Variants in BABAM2 observed in about 807,000 individuals in gnomAD.
BABAM2 encodes BRISC and BRCA1 A complex member 2, also known as BRISC and BRCA1-A complex member 2.
BABAM2 carries 31 observed loss-of-function variants against 54.7 expected under a neutral mutation model. The ratio of observed to expected loss-of-function variants is 0.57; its 90% CI spans 0.43 to 0.77. BABAM2 has a LOEUF of 0.77. Ranked by LOEUF, BABAM2 falls within the 30% of genes least tolerant of loss-of-function variation. The probability of loss-of-function intolerance (pLI) is 0.00; values close to 1 mark genes in which losing one functional copy is unlikely to be tolerated. For synonymous variants in BABAM2, 167 were observed against 162.9 expected (o/e 1.03, Z -0.19); for missense variants, 364 against 455.8 (o/e 0.80, Z 1.83).
chr2:28,095,394 G>T (rs1413518942), intron 6 of BABAM2, among the ~76,000 whole-genome samples: 2 of 152,188 alleles, frequency 1.3e-5, no homozygotes, highest in African/African-American at 2.4e-5. Flanking sequence ...AGTTCTCTGA[G>T]TGAGGGCAGG....
At chr2:28,132,568 C>T (rs768364464) in intron 7 of BABAM2, among the ~76,000 whole-genome samples, 1 of 152,192 alleles carries the variant, frequency 6.6e-6, no homozygotes, top group Non-Finnish European at 1.5e-5. Flanking sequence ...TGCCAGCACT[C>T]TCTTGCCTCT....
At chr2:28,282,621 C>T (rs528028104) in intron 10 of BABAM2, among the ~76,000 whole-genome samples, 27 of 152,140 alleles carry the variant, frequency 1.8e-4, no homozygotes, top group Admixed American at 3.9e-4. Context: ...TAGAAAGGGG[C>T]GAGGGGGAAT....
intron 2 of BABAM2, among the ~76,000 whole-genome samples, chr2:27,895,251 G>T (rs1482535493): frequency 3.9e-5 from 6 of 152,026 alleles, no homozygotes; most frequent in Non-Finnish European, 4.4e-5. Flanking sequence ...TGTTCTACAG[G>T]TCTTATTTGA....
intron 10 of BABAM2, among the ~76,000 whole-genome samples, chr2:28,281,725 T>A (rs1407407427): frequency 6.6e-6 from 1 of 152,238 alleles, no homozygotes; most frequent in East Asian, 1.9e-4. Context: ...AGGCTTGAAT[T>A]CAAGGCCAGC....
chr2:28,117,013 C>T (rs1668670908), intron 6 of BABAM2, among the ~76,000 whole-genome samples: 1 of 152,178 alleles, frequency 6.6e-6, no homozygotes, highest in Non-Finnish European at 1.5e-5. Flanking sequence ...ATTGGCACCT[C>T]TGATACCTTT....
At chr2:28,317,171 A>C (rs957845235) in intron 11 of BABAM2, among the ~76,000 whole-genome samples, 1 of 152,198 alleles carries the variant, frequency 6.6e-6, no homozygotes, top group South Asian at 2.1e-4. Context: ...CAGCCGGCTC[A>C]TGGCCGTCCC....
At chr2:28,073,457 CA>C (rs1664359726) in intron 6 of BABAM2, among the ~76,000 whole-genome samples, 1 of 152,126 alleles carries the variant, frequency 6.6e-6, no homozygotes, top group African/African-American at 2.4e-5. Context: ...ATGATCTTGC[CA>C]GTGCACTCCA....
chr2:28,167,252 A>G (rs1424557002), intron 7 of BABAM2, among the ~76,000 whole-genome samples: 5 of 152,228 alleles, frequency 3.3e-5, no homozygotes, highest in Admixed American at 6.5e-5. Flanking sequence ...TTTGTCTTCA[A>G]GAAGGGACTT....
At chr2:28,026,813 A>ATAAATAT (rs1675727431) in intron 5 of BABAM2, among the ~76,000 whole-genome samples, 1 of 94,716 alleles carries the variant, frequency 1.1e-5, no homozygotes, top group African/African-American at 4.7e-5. Flanking sequence ...AAAATATATA[A>ATAAATAT]ATATATATTT....
At chr2:28,132,553 T>A (rs1392408699) in intron 7 of BABAM2, among the ~76,000 whole-genome samples, 2 of 152,206 alleles carry the variant, frequency 1.3e-5, no homozygotes, top group Non-Finnish European at 1.5e-5. Context: ...GAAGTTTTCT[T>A]ACATTGCCAG....
Position 28,303,501 on chromosome 2 carries a change from G to A in BABAM2, c.1088+5010G>A, listed in dbSNP as rs567355238. On this transcript the variant is annotated intron_variant, in intron 11 of 11. Transcript: ENST00000379624. ...AAAAGTCAATTAACCACATGTGAGT[G>A]GATCTATTTCTGGATACTCTATTCT... Among the ~76,000 whole-genome samples, 9 of 152,162 alleles carry A rather than the reference G, an allele frequency of 5.9e-5. No homozygotes were observed. In the South Asian group the frequency reaches 1.9e-3, roughly 32 times the overall value.
intron 10 of BABAM2, among the ~76,000 whole-genome samples, chr2:28,295,359 A>C (rs1368304056): frequency 6.6e-6 from 1 of 152,202 alleles, no homozygotes; most frequent in African/African-American, 2.4e-5. Context: ...CTACTGTTTA[A>C]AATTGTTGCT....
chr2:27,894,613 T>C lies in BABAM2; in HGVS notation c.57T>C (p.Ser19=), dbSNP rs1315740874. The part of the protein sequence containing the change: ...RISPMLSPFI[S]SVVRNGKVGL... The stretch of plus-strand genomic sequence containing the variant: ...CTCCAATGCTCTCCCCTTTCATATC[T>C]AGCGTGGTCCGGAATGGAAAAGTGG... Residue 19 remains serine (S), a synonymous_variant, in exon 2 of 12, where the codon TCT becomes TCC. Transcript: ENST00000379624. 3.7e-6 allele frequency: 6 copies of C among 1,613,958 alleles called. No homozygotes were observed. The highest frequency in any genetic ancestry group is 5.1e-6 in the Non-Finnish European group (6 of 1,179,916).
chr2:27,944,942 T>C (rs948317743), intron 3 of BABAM2, among the ~76,000 whole-genome samples: 2 of 152,110 alleles, frequency 1.3e-5, no homozygotes, highest in African/African-American at 4.8e-5. Context: ...TGTTGATCCA[T>C]TTTGAGCTAC....
At chr2:28,104,251 A>G (rs1242366180) in intron 6 of BABAM2, among the ~76,000 whole-genome samples, 2 of 152,236 alleles carry the variant, frequency 1.3e-5, no homozygotes, top group African/African-American at 4.8e-5. Flanking sequence ...CAGAGTGAAC[A>G]GGCAACCTAC....
intron 6 of BABAM2, among the ~76,000 whole-genome samples, chr2:28,097,803 G>A (rs1666751810): frequency 6.6e-6 from 1 of 152,144 alleles, no homozygotes; most frequent in South Asian, 2.1e-4. Flanking sequence ...TATGGTGTGA[G>A]CTTAAGGCTC....
At chr2:27,967,830 C>T (rs1670935833) in intron 3 of BABAM2, among the ~76,000 whole-genome samples, 2 of 152,142 alleles carry the variant, frequency 1.3e-5, no homozygotes, top group Non-Finnish European at 2.9e-5. Context: ...GGCATTTTGC[C>T]CCTGCCCTTG....
intron 6 of BABAM2, among the ~76,000 whole-genome samples, chr2:28,047,321 A>G (rs1053858697): frequency 1.3e-5 from 2 of 152,228 alleles, no homozygotes; most frequent in African/African-American, 2.4e-5. Flanking sequence ...AGAAACCCTT[A>G]TAGCATATAC....
chr2:27,961,429 A>G (rs1362438675), intron 3 of BABAM2, among the ~76,000 whole-genome samples: 2 of 152,228 alleles, frequency 1.3e-5, no homozygotes, highest in Non-Finnish European at 2.9e-5. Flanking sequence ...ACACTTTATT[A>G]TAAAATAGAC....
Sources: allele counts gnomAD v4.1 joint callset (sites outside exome capture counted in the v4.1 genomes callset), GRCh38; gene constraint gnomAD v4.1.1; transcripts MANE v1.5; gene names NCBI Gene and HGNC (gene_info 2026-07-23, HGNC 2026-07-21).